Variants in APAF1 observed in about 807,000 individuals in gnomAD.
The protein encoded by APAF1 is apoptotic protease-activating factor 1.
A neutral mutation model predicts 152.4 loss-of-function variants in APAF1; 91 were observed. That is an observed-to-expected ratio of 0.60 (90% CI 0.50 to 0.71). The LOEUF is 0.71. Ranked by LOEUF, APAF1 falls within the 30% of genes least tolerant of loss-of-function variation. The pLI is 0.00. For missense variants in APAF1, 1,283 were observed against 1,472.0 expected (o/e 0.87, Z 2.10); for synonymous variants, 484 against 494.1 (o/e 0.98, Z 0.27).
At chr12:98,656,814 T>C (rs2097658302) in intron 4 of APAF1, among the ~76,000 whole-genome samples, 2 of 152,238 alleles carry the variant, frequency 1.3e-5, no homozygotes, top group South Asian at 4.1e-4. Context: ...GGGTGGGCGT[T>C]GTTCTTGCTC....
intron 5 of APAF1, 104 bp downstream of exon 5, chr12:98,659,447 G>A (rs2153312780): frequency 7.9e-7 from 1 of 1,268,504 alleles, no homozygotes; most frequent in Non-Finnish European, 1.1e-6. Flanking sequence ...TGTTCTATAG[G>A]GAGGATAAGA....
chr12:98,711,035 A>G (rs2097727390), intron 20 of APAF1, among the ~76,000 whole-genome samples: 2 of 152,196 alleles, frequency 1.3e-5, no homozygotes, highest in Non-Finnish European at 2.9e-5. Context: ...ACCTCTGAAT[A>G]TGGCTTGCTT....
chr12:98,675,082 A>G (rs749288279), intron 12 of APAF1, among the ~76,000 whole-genome samples: 23 of 152,182 alleles, frequency 1.5e-4, no homozygotes, highest in Non-Finnish European at 3.1e-4. Flanking sequence ...CTCTCATAGA[A>G]TGGTTAGCTA....
At chr12:98,729,673 T>C (rs1401852778) in intron 26 of APAF1, among the ~76,000 whole-genome samples, 1 of 152,234 alleles carries the variant, frequency 6.6e-6, no homozygotes, top group Non-Finnish European at 1.5e-5. Context: ...TACTGTTATT[T>C]CTTACTGAAA....
chr12:98,673,580 A>ACATACATAT (rs2097683217), intron 12 of APAF1, among the ~76,000 whole-genome samples: 1 of 152,198 alleles, frequency 6.6e-6, no homozygotes, highest in Non-Finnish European at 1.5e-5. Flanking sequence ...ATTTATATCT[A>ACATACATAT]AATAGAAGTC....
chr12:98,668,489 G>A (rs931585450), intron 10 of APAF1, among the ~76,000 whole-genome samples: 1 of 152,188 alleles, frequency 6.6e-6, no homozygotes, highest in Non-Finnish European at 1.5e-5. Context: ...ACGAGTTTAT[G>A]TTCTGGGAGG....
intron 4 of APAF1, among the ~76,000 whole-genome samples, chr12:98,655,528 G>A (rs1292606781): frequency 6.6e-6 from 1 of 152,216 alleles, no homozygotes; most frequent in Non-Finnish European, 1.5e-5. Flanking sequence ...TCCCAGTAGG[G>A]GCGGCCGTAG....
chr12:98,667,467 GT>G (rs1565864899), intron 9 of APAF1, 45 bp from the exon 10 acceptor site: 3 of 1,605,556 alleles, frequency 1.9e-6, no homozygotes, highest in Non-Finnish European at 2.5e-6. Flanking sequence ...TGATGCTTAG[GT>G]TATAAAATTG....
intron 2 of APAF1, 54 bp downstream of exon 2, chr12:98,648,551 A>G (rs1036987909): frequency 3.0e-5 from 49 of 1,608,566 alleles, no homozygotes; most frequent in Non-Finnish European, 4.2e-5. Context: ...GAATTTCAGA[A>G]CTTGTACTGG....
At chr12:98,697,561 C>T (rs2288723) in intron 16 of APAF1, among the ~76,000 whole-genome samples, 18,537 of 152,086 alleles carry the variant, frequency 0.12, 1,197 homozygotes, top group East Asian at 0.25. Context: ...TTTTGATTTC[C>T]GTATTCATGT....
chr12:98,725,622 G>A (rs2097749359), intron 25 of APAF1, 82 bp downstream of exon 25: 1 of 1,587,808 alleles, frequency 6.3e-7, no homozygotes, highest in African/African-American at 1.3e-5. Context: ...TTTGTTCACG[G>A]GCCAGGGAAG....
chr12:98,734,054 C>T lies in APAF1; in HGVS notation c.*1488C>T, dbSNP rs183510672. ...TTTTTCTAAGAAATGTGAAATAGAA[C>T]AATTTTCATCTAATTCCATTTACTT... On this transcript the variant is annotated 3_prime_UTR_variant, in exon 27 of 27. Transcript: ENST00000551964. The T allele has an allele frequency of 6.6e-6, 1 of 152,278 alleles. No homozygotes were observed. The highest frequency in any genetic ancestry group is 6.5e-5 in the Admixed American group (1 of 15,288). 9.4% of individuals were successfully genotyped at this position (152,278 alleles called of 1,614,324 possible). A position where few individuals can be genotyped will look rare whatever the true frequency, so the allele number is the denominator to read the frequency against.
rs1275588596 is a variant in APAF1 at position 98,667,110 on chromosome 12, G to GT, written c.1363-402dup. 4.7e-4 allele frequency among the ~76,000 whole-genome samples: 69 copies of GT among 147,870 alleles called. 1 individual carries two copies. The highest frequency in any genetic ancestry group is 1.7e-3 in the African/African-American group (68 of 40,464). On this transcript the variant is annotated intron_variant, in intron 9 of 26. Coordinates refer to ENST00000551964, the MANE Select transcript of APAF1 (RefSeq NM_181861.2). ...GGGGAGATTCTCTGTATATATATAT[G>GT]TATTTTTTTTTTTTTGAGACAGGGT...
chr12:98,673,618 A>G (rs1443641208), intron 12 of APAF1, among the ~76,000 whole-genome samples: 2 of 152,118 alleles, frequency 1.3e-5, no homozygotes, highest in African/African-American at 4.8e-5. Flanking sequence ...TCTTTATGGC[A>G]TTAGGCCCTC....
Position 98,662,257 on chromosome 12 carries a change from A to AT in APAF1, c.711-189dup, listed in dbSNP as rs1175365821. Among the ~76,000 whole-genome samples, 293 of 147,836 alleles carry AT rather than the reference A, an allele frequency of 2.0e-3. 1 individual carries two copies. The highest frequency in any genetic ancestry group is 6.5e-3 in the African/African-American group (262 of 40,374). On this transcript the variant is annotated intron_variant, in intron 5 of 26. Transcript: ENST00000551964. ...GGGTTTGAGGAGAAGGCAGTCTCTA[A>AT]TTTTTTTTTTCCTTATTTGAATCAG...
intron 16 of APAF1, 52 bp downstream of exon 16, chr12:98,686,925 G>A: frequency 6.4e-7 from 1 of 1,571,020 alleles, no homozygotes; most frequent in Non-Finnish European, 8.7e-7. Flanking sequence ...AAAGTCTTAT[G>A]ATTTGATTAT....
At chr12:98,717,066 C>T (rs2097735615) in intron 22 of APAF1, among the ~76,000 whole-genome samples, 1 of 151,822 alleles carries the variant, frequency 6.6e-6, no homozygotes. Flanking sequence ...GATGAGATTC[C>T]ACCATGCTGG....
chr12:98,664,166 G>A (rs568367007), intron 7 of APAF1, among the ~76,000 whole-genome samples: 2 of 151,798 alleles, frequency 1.3e-5, no homozygotes, highest in East Asian at 2.0e-4. Flanking sequence ...TTACAGGTGC[G>A]TGCTACCTCA....
intron 17 of APAF1, among the ~76,000 whole-genome samples, chr12:98,702,913 A>G (rs2097717176): frequency 6.6e-6 from 1 of 152,152 alleles, no homozygotes; most frequent in Admixed American, 6.5e-5. Context: ...AAACAGGAAA[A>G]TGATTGACTA....
Sources: allele counts gnomAD v4.1 joint callset (sites outside exome capture counted in the v4.1 genomes callset), GRCh38; gene constraint gnomAD v4.1.1; transcripts MANE v1.5; gene names NCBI Gene and HGNC (gene_info 2026-07-23, HGNC 2026-07-21).